The following TACR3 variants were observed in gnomAD, a reference collection of about 807,000 sequenced individuals.
TACR3 encodes neuromedin-K receptor.
TACR3 carries 34 observed loss-of-function variants against 35.0 expected under a neutral mutation model. The ratio of observed to expected loss-of-function variants is 0.97; its 90% CI spans 0.74 to 1.30. The LOEUF is 1.30. Among genes scored for constraint, TACR3 ranks in the 50% most tolerant of loss-of-function variants. The probability of loss-of-function intolerance (pLI) is 0.00; values close to 1 mark genes in which losing one functional copy is unlikely to be tolerated. For missense variants in TACR3, 558 were observed against 591.7 expected (o/e 0.94, Z 0.59); for synonymous variants, 233 against 221.1 (o/e 1.05, Z -0.48).
In TACR3 at chr4:103,703,045, G is replaced by A. The variant is rs188744823; in HGVS notation, c.548+16083C>T. On this transcript the variant is annotated intron_variant, in intron 1 of 4. Transcript: ENST00000304883. ...GTGCACATGTACCCTAAAAGTTAAAGTATAATAAAAAATAATAAAATAAAA... is the reference window on the plus strand; with the variant it reads ...GTGCACATGTACCCTAAAAGTTAAAATATAATAAAAAATAATAAAATAAAA... 1.5e-3 allele frequency among the ~76,000 whole-genome samples: 234 copies of A among 151,914 alleles called. 3 individuals carry two copies. The highest frequency in any genetic ancestry group is 5.2e-4 in the Non-Finnish European group (35 of 67,924).
At chr4:103,611,579 G>A (rs866051461) in intron 3 of TACR3, among the ~76,000 whole-genome samples, 1 of 152,108 alleles carries the variant, frequency 6.6e-6, no homozygotes, top group Non-Finnish European at 1.5e-5. Context: ...TTGAACTAAT[G>A]CAATCTGTAC....
intron 3 of TACR3, among the ~76,000 whole-genome samples, chr4:103,601,910 A>T (rs112452776): frequency 0.031 from 4,695 of 152,128 alleles, 217 homozygotes; most frequent in African/African-American, 0.11. Context: ...TTCTCTGTAT[A>T]TCCTGAGTTT....
chr4:103,671,474 TG>T (rs1726056247), intron 1 of TACR3, among the ~76,000 whole-genome samples: 1 of 152,066 alleles, frequency 6.6e-6, no homozygotes, highest in East Asian at 1.9e-4. Flanking sequence ...TACATAATAT[TG>T]GGCTATTTAG....
chr4:103,710,785 C>T (rs577361943), intron 1 of TACR3, among the ~76,000 whole-genome samples: 37 of 152,044 alleles, frequency 2.4e-4, no homozygotes, highest in East Asian at 2.3e-3. Flanking sequence ...ATCAAATAGA[C>T]GCAATAAAAA....
At chr4:103,712,162 A>T (rs1409954622) in intron 1 of TACR3, among the ~76,000 whole-genome samples, 1 of 152,178 alleles carries the variant, frequency 6.6e-6, no homozygotes, top group Non-Finnish European at 1.5e-5. Context: ...GTTCATATGG[A>T]ACCAAAAAAG....
chr4:103,706,661 G>T (rs1722799751), intron 1 of TACR3, among the ~76,000 whole-genome samples: 1 of 152,234 alleles, frequency 6.6e-6, no homozygotes, highest in South Asian at 2.1e-4. Flanking sequence ...ACGGTCATAG[G>T]TTGGTGATAT....
At chr4:103,613,612 C>T (rs1724562468) in intron 3 of TACR3, among the ~76,000 whole-genome samples, 1 of 152,064 alleles carries the variant, frequency 6.6e-6, no homozygotes, top group African/African-American at 2.4e-5. Context: ...TAGGCATGAG[C>T]CACCGTGCAA....
In TACR3 at chr4:103,708,124, G is replaced by T. The variant is rs568450479; in HGVS notation, c.548+11004C>A. On this transcript the variant is annotated intron_variant, in intron 1 of 4. Transcript: ENST00000304883. ...AGCAGAATCCTCTGCAGACGTAAAT[G>T]TCCCTGTCTGACAGCTTTGAAGAGA... 2.0e-5 allele frequency among the ~76,000 whole-genome samples: 3 copies of T among 152,324 alleles called. No homozygotes were observed. The South Asian group carries it at 6.2e-4, about 32-fold the overall frequency.
At chr4:103,681,191 C>A (rs1303120785) in intron 1 of TACR3, among the ~76,000 whole-genome samples, 1 of 151,954 alleles carries the variant, frequency 6.6e-6, no homozygotes, top group Non-Finnish European at 1.5e-5. Context: ...CAGAGGCAGT[C>A]AAATCACATA....
Position 103,719,604 on chromosome 4 carries a change from C to A in TACR3, c.72G>T (p.Leu24=). 6.2e-7 allele frequency: 1 copy of A among 1,613,256 alleles called. No individual in the cohort carries two copies. Among genetic ancestry groups the A allele is most frequent in the Non-Finnish European group, 8.5e-7 (1 of 1,179,524 alleles). Residue 24 remains leucine (L), a synonymous_variant, in exon 1 of 5, where the codon CTG becomes CTT. Coordinates refer to ENST00000304883, the MANE Select transcript of TACR3 (RefSeq NM_001059.3). ...GGGVGADAVN[L]TASLAAGAAT... Reference sequence around the variant, plus strand: ...CCGCCCCGGCAGCTAGCGAGGCGGTCAGGTTCACGGCGTCTGCACCCACGC... The same window carrying A: ...CCGCCCCGGCAGCTAGCGAGGCGGTAAGGTTCACGGCGTCTGCACCCACGC...
intron 3 of TACR3, among the ~76,000 whole-genome samples, chr4:103,628,438 T>C (rs1054170050): frequency 2.6e-5 from 4 of 152,082 alleles, no homozygotes; most frequent in Admixed American, 6.6e-5. Context: ...AGGAATCAAA[T>C]ATACACAATA....
chr4:103,629,893 CAAA>C lies in TACR3; in HGVS notation c.888+26298_888+26300del, dbSNP rs1216728830. 5.8e-3 allele frequency among the ~76,000 whole-genome samples: 572 copies of C among 98,610 alleles called. 10 individuals are homozygous for C. The highest frequency in any genetic ancestry group is 9.4e-3 in the Non-Finnish European group (420 of 44,570). 64.7% of individuals were successfully genotyped at this position (98,610 alleles called of 152,430 possible). On this transcript the variant is annotated intron_variant, in intron 3 of 4. Transcript: ENST00000304883. ...AAAACAAAAAAAACAACAACAACAA[CAAA>C]AAAAAACAAAGCTGGAGGCATCACG...
intron 3 of TACR3, among the ~76,000 whole-genome samples, chr4:103,654,710 A>T (rs1435849123): frequency 1.9e-5 from 2 of 104,372 alleles, no homozygotes; most frequent in Non-Finnish European, 4.3e-5. Flanking sequence ...AATAAAATTA[A>T]AAAAAAAAGA....
intron 3 of TACR3, among the ~76,000 whole-genome samples, chr4:103,602,660 A>T (rs1324396882): frequency 6.6e-6 from 1 of 152,108 alleles, no homozygotes; most frequent in Non-Finnish European, 1.5e-5. Context: ...TCCACTGCAG[A>T]CCCTGTTTGC....
At chr4:103,612,599 G>A (rs577931941) in intron 3 of TACR3, among the ~76,000 whole-genome samples, 5 of 151,852 alleles carry the variant, frequency 3.3e-5, no homozygotes, top group South Asian at 2.1e-4. Context: ...TGCAACCTCC[G>A]CCTGGTTCAA....
chr4:103,708,024 C>A (rs1406540254), intron 1 of TACR3, among the ~76,000 whole-genome samples: 1 of 152,160 alleles, frequency 6.6e-6, no homozygotes, highest in Non-Finnish European at 1.5e-5. Context: ...TGGGTGGAGC[C>A]CACTGCAGCT....
intron 1 of TACR3, among the ~76,000 whole-genome samples, chr4:103,706,864 C>T (rs1248056797): frequency 6.6e-6 from 1 of 152,132 alleles, no homozygotes; most frequent in East Asian, 1.9e-4. Context: ...AGAGCTTTTG[C>T]CATATATTAC....
intron 4 of TACR3, 200 bp downstream of exon 4, chr4:103,591,287 C>T (rs372629929): frequency 3.3e-6 from 2 of 615,378 alleles, no homozygotes; most frequent in African/African-American, 1.8e-5. Context: ...TTATTTGGGG[C>T]ATCTAATTAT....
At chr4:103,640,018 T>A (rs1046369658) in intron 3 of TACR3, among the ~76,000 whole-genome samples, 1 of 151,976 alleles carries the variant, frequency 6.6e-6, no homozygotes, top group Non-Finnish European at 1.5e-5. Flanking sequence ...TAAGTGAAGA[T>A]TGGATTTGCA....
Sources: gnomAD v4.1 joint callset for allele counts (sites outside exome capture counted in the v4.1 genomes callset) on GRCh38, gnomAD v4.1.1 for gene constraint, MANE v1.5 for transcripts, NCBI Gene and HGNC (gene_info 2026-07-23, HGNC 2026-07-21) for gene names.